Variants in CHRM2 observed in about 807,000 individuals in gnomAD.
CHRM2 encodes muscarinic acetylcholine receptor M2.
In CHRM2, 8 loss-of-function variants were observed where a neutral mutation model predicts 25.0. The observed-to-expected ratio is 0.32, with a 90% CI of 0.19 to 0.58. The LOEUF (loss-of-function observed/expected upper bound fraction) is 0.58. CHRM2 is among the 20% of genes least tolerant of loss of function. CHRM2 has a pLI of 0.88. For missense variants in CHRM2, 440 were observed against 567.1 expected, an observed-to-expected ratio of 0.78 and a Z score of 2.28; for synonymous variants, 202 against 205.7, an observed-to-expected ratio of 0.98 and a Z score of 0.15.
At chr7:136,900,910 G>C (rs1797168942) in intron 2 of CHRM2, among the ~76,000 whole-genome samples, 1 of 151,856 alleles carries the variant, frequency 6.6e-6, no homozygotes, top group Non-Finnish European at 1.5e-5. Context: ...TATGGGTAGG[G>C]TACCAAGAAT....
chr7:137,014,864 A>C lies in CHRM2; in HGVS notation c.-2A>C. The C allele has an allele frequency of 1.2e-6, 2 of 1,612,904 alleles. No homozygotes were observed. Among genetic ancestry groups the C allele is most frequent in the Non-Finnish European group, 1.7e-6 (2 of 1,179,332 alleles). ...ACTTGGCTACTGATTAGAGAACGCAAAATGAATAACTCAACAAACTCCTCT... is the reference window on the plus strand; with the variant it reads ...ACTTGGCTACTGATTAGAGAACGCACAATGAATAACTCAACAAACTCCTCT... On this transcript the variant is annotated 5_prime_UTR_variant, in exon 4 of 4. Coordinates refer to ENST00000680005, the MANE Select transcript of CHRM2 (RefSeq NM_001006630.2).
At chr7:136,956,518 A>C (rs1800733907) in intron 2 of CHRM2, among the ~76,000 whole-genome samples, 1 of 152,190 alleles carries the variant, frequency 6.6e-6, no homozygotes, top group Non-Finnish European at 1.5e-5. Flanking sequence ...ATTACTGAAC[A>C]TCAATATGTA....
intron 2 of CHRM2, among the ~76,000 whole-genome samples, chr7:136,888,178 T>C (rs1166599125): frequency 4.6e-5 from 7 of 152,220 alleles, no homozygotes; most frequent in African/African-American, 1.2e-4. Flanking sequence ...AGGAGAATTT[T>C]ACCTGGGAGC....
chr7:136,885,146 A>G (rs1796414138), intron 2 of CHRM2, among the ~76,000 whole-genome samples: 1 of 152,224 alleles, frequency 6.6e-6, no homozygotes, highest in South Asian at 2.1e-4. Flanking sequence ...AGAGACCCAA[A>G]GGAAAAATAA....
At chr7:136,900,140 C>A (rs1191359163) in intron 2 of CHRM2, among the ~76,000 whole-genome samples, 1 of 151,962 alleles carries the variant, frequency 6.6e-6, no homozygotes, top group East Asian at 1.9e-4. Flanking sequence ...TCCGTCAGAA[C>A]AAAAGACAGG....
At chr7:136,954,027 T>C (rs1383995695) in intron 2 of CHRM2, among the ~76,000 whole-genome samples, 1 of 152,098 alleles carries the variant, frequency 6.6e-6, no homozygotes, top group Non-Finnish European at 1.5e-5. Context: ...CTGTTTATTA[T>C]GAGAAGAGCC....
intron 2 of CHRM2, among the ~76,000 whole-genome samples, chr7:136,934,197 T>C (rs1321936589): frequency 6.6e-6 from 1 of 152,158 alleles, no homozygotes; most frequent in Non-Finnish European, 1.5e-5. Context: ...TATTTCTCTG[T>C]CAATACCATT....
intron 2 of CHRM2, chr7:136,899,527 G>A (rs1797084043): frequency 6.6e-6 from 1 of 152,018 alleles, no homozygotes; most frequent in Admixed American, 6.6e-5. Flanking sequence ...CACATCTGTT[G>A]GCTAAGAAGT....
intron 3 of CHRM2, among the ~76,000 whole-genome samples, chr7:136,998,389 GT>G (rs1392733565): frequency 6.6e-6 from 1 of 152,130 alleles, no homozygotes; most frequent in Non-Finnish European, 1.5e-5. Context: ...GAGAGATTGA[GT>G]TGTTTTCTTT....
At chr7:136,916,956 G>A (rs979518697) in intron 2 of CHRM2, among the ~76,000 whole-genome samples, 1 of 151,626 alleles carries the variant, frequency 6.6e-6, no homozygotes, top group African/African-American at 2.4e-5. Context: ...CAAAAATTCT[G>A]TGTATATATT....
At position 137,016,295 on chromosome 7, in the gene CHRM2, C is replaced by T; in HGVS notation, c.*29C>T. ...ATCTTTGAAAAAGATAGAAGGTGGG[C>T]AAGGGGAGCTTGAGAAGAATAAAAG... On this transcript the variant is annotated 3_prime_UTR_variant, in exon 4 of 4. Coordinates refer to ENST00000680005, the MANE Select transcript of CHRM2 (RefSeq NM_001006630.2). The T allele has an allele frequency of 1.2e-6, 2 of 1,600,042 alleles. No individual in the cohort carries two copies. Among genetic ancestry groups the T allele is most frequent in the Non-Finnish European group, 1.7e-6 (2 of 1,167,996 alleles).
chr7:136,926,351 G>A (rs1307603258), intron 2 of CHRM2, among the ~76,000 whole-genome samples: 4 of 152,062 alleles, frequency 2.6e-5, no homozygotes, highest in Admixed American at 2.0e-4. Flanking sequence ...CACCTATGAC[G>A]TGTCAGGCAG....
chr7:136,967,696 C>G (rs1208394242), intron 2 of CHRM2, among the ~76,000 whole-genome samples: 1 of 151,784 alleles, frequency 6.6e-6, no homozygotes, highest in Non-Finnish European at 1.5e-5. Flanking sequence ...TTTCTGTTCT[C>G]TCTTTCTGTA....
chr7:136,882,627 AG>A (rs1306559291), intron 2 of CHRM2, among the ~76,000 whole-genome samples: 2 of 152,136 alleles, frequency 1.3e-5, no homozygotes, highest in African/African-American at 4.8e-5. Flanking sequence ...TTTCTGAAAT[AG>A]CTCAAAGAAA....
At chr7:136,938,475 C>T in intron 2 of CHRM2, 1 of 1,130,494 alleles carries the variant, frequency 8.8e-7, no homozygotes, top group Admixed American at 1.7e-5. Context: ...TGCGCACGGC[C>T]TGGATGTTGG....
In CHRM2 at chr7:137,017,785, T is replaced by C. The variant is rs545922681; in HGVS notation, c.*1519T>C. 1 of 152,086 alleles carries C rather than the reference T, an allele frequency of 6.6e-6. No individual in the cohort carries two copies. The highest frequency in any genetic ancestry group is 2.4e-5 in the African/African-American group (1 of 41,560). 9.4% of individuals were successfully genotyped at this position (152,086 alleles called of 1,614,324 possible). On this transcript the variant is annotated 3_prime_UTR_variant, in exon 4 of 4. Coordinates refer to ENST00000680005, the MANE Select transcript of CHRM2 (RefSeq NM_001006630.2). ...TGCCATGCCACATCTCACCATCTAA[T>C]TCTAGACCATAATAATCATGTCAGG... is the stretch of plus-strand genomic sequence containing the variant.
intron 2 of CHRM2, among the ~76,000 whole-genome samples, chr7:136,900,577 G>A (rs1313584796): frequency 6.6e-6 from 1 of 152,034 alleles, no homozygotes; most frequent in Non-Finnish European, 1.5e-5. Flanking sequence ...AAGGGAAGAA[G>A]AGGCTGCCAG....
intron 2 of CHRM2, among the ~76,000 whole-genome samples, chr7:136,957,806 C>T (rs547051844): frequency 6.6e-6 from 1 of 152,332 alleles, no homozygotes; most frequent in East Asian, 1.9e-4. Flanking sequence ...AGAAAATCTT[C>T]ATATCTAGAA....
rs574750540 is a variant in CHRM2, at chr7:136,921,919, C to T, written c.-125+52501C>T. 4.6e-5 allele frequency among the ~76,000 whole-genome samples: 7 copies of T among 151,856 alleles called. No individual in the cohort carries two copies. In the South Asian group the frequency reaches 6.2e-4, roughly 14 times the overall value. ...TCCCGAGTAGCTGGGATTACAGGTG[C>T]GCATGCCTGGCTAATTTTTGTATTT... On this transcript the variant is annotated intron_variant, in intron 2 of 3. Transcript: ENST00000680005.
Sources: gnomAD v4.1 joint callset for allele counts (sites outside exome capture counted in the v4.1 genomes callset) on GRCh38, gnomAD v4.1.1 for gene constraint, MANE v1.5 for transcripts, NCBI Gene and HGNC (gene_info 2026-07-23, HGNC 2026-07-21) for gene names.